Variants in CNOT9 observed in about 807,000 individuals in gnomAD.
CNOT9 encodes the protein RCD1 required for cell differentiation1 homolog.
A neutral mutation model predicts 37.4 loss-of-function variants in CNOT9; 8 were observed. The observed-to-expected ratio is 0.21, with a 90% CI of 0.13 to 0.39. The LOEUF is 0.39. Among genes scored for constraint, CNOT9 ranks in the 10% least tolerant of loss-of-function variants. The pLI, the probability that CNOT9 is intolerant of heterozygous loss-of-function variation, is 1.00. For synonymous variants in CNOT9, 120 were observed against 137.6 expected (o/e 0.87, Z 0.90); for missense variants, 154 against 365.3 (o/e 0.42, Z 4.71).
At position 218,592,017 on chromosome 2, in the gene CNOT9, C is replaced by G. The variant is rs2106099477; in HGVS notation, c.541-287C>G. Among the ~76,000 whole-genome samples, 1 of 152,032 alleles carries G rather than the reference C, an allele frequency of 6.6e-6. No individual in the cohort carries two copies. The highest frequency in any genetic ancestry group is 2.4e-5 in the African/African-American group (1 of 41,458). The stretch of plus-strand genomic sequence containing the variant: ...ATTTGATAATTACACGGAACCTACC[C>G]TTGTATGTAAAGTGAGAATAATAAT... On this transcript the variant is annotated intron_variant, in intron 5 of 7. Transcript: ENST00000273064. This position sits in a 1 kb window ranked among gnomAD's most constrained non-coding sequence, Gnocchi z 4.1.
At chr2:218,583,285 C>T (rs1391136463) in intron 3 of CNOT9, among the ~76,000 whole-genome samples, 199 bp downstream of exon 3, 1 of 108,534 alleles carries the variant, frequency 9.2e-6, no homozygotes, top group Non-Finnish European at 1.8e-5. Flanking sequence ...CTCTCTCTCT[C>T]TCCTGGTCTT....
chr2:218,582,889 CTTT>C (rs111430766), intron 2 of CNOT9, 79 bp from the exon 3 acceptor site: 462 of 673,986 alleles, frequency 6.9e-4, no homozygotes, highest in South Asian at 9.5e-4. Context: ...TTTTATTTGC[CTTT>C]TTTTTTTTTT....
chr2:218,573,318 T>TAAA (rs34596336), intron 1 of CNOT9, among the ~76,000 whole-genome samples: 1 of 132,846 alleles, frequency 7.5e-6, no homozygotes, highest in South Asian at 2.4e-4. Context: ...AACTCCATCT[T>TAAA]AAAAAAAAAA....
At position 218,596,733 on chromosome 2, in the gene CNOT9, G is replaced by C. The variant is rs1347764347; in HGVS notation, c.*2457G>C. On this transcript the variant is annotated 3_prime_UTR_variant, in exon 8 of 8. Transcript: ENST00000273064. ...TCCTGGCCATATTGGCCAGAACTTA[G>C]TGCCAGTGTAGGGAGAGACTTCCAT... The C allele has an allele frequency of 2.0e-5, 3 of 152,244 alleles. No homozygotes were observed. Among genetic ancestry groups the C allele is most frequent in the Non-Finnish European group, 4.4e-5 (3 of 68,050 alleles). 9.4% of individuals were successfully genotyped at this position (152,244 alleles called of 1,614,324 possible).
intron 5 of CNOT9, among the ~76,000 whole-genome samples, chr2:218,590,484 A>G (rs556328201): frequency 5.9e-5 from 9 of 152,356 alleles, no homozygotes; most frequent in Non-Finnish European, 1.2e-4. Flanking sequence ...ACCTGCTGCT[A>G]TAACAAATTA....
At chr2:218,569,269 A>G (rs1389164657) in intron 1 of CNOT9, among the ~76,000 whole-genome samples, 2 of 152,074 alleles carry the variant, frequency 1.3e-5, no homozygotes, top group Non-Finnish European at 2.9e-5. Flanking sequence ...GCTGACCAAC[A>G]GTTTCAGGGC....
intron 7 of CNOT9, among the ~76,000 whole-genome samples, chr2:218,593,241 A>G (rs1694839304): frequency 6.6e-6 from 1 of 152,226 alleles, no homozygotes; most frequent in Admixed American, 6.5e-5. Flanking sequence ...GCTGAAAGCA[A>G]CCTGCTCATA....
intron 7 of CNOT9, chr2:218,593,445 G>T: frequency 1.3e-6 from 1 of 788,348 alleles, no homozygotes; most frequent in Non-Finnish European, 1.8e-6. Flanking sequence ...AATTCTACTT[G>T]TACAAAGAAA....
At chr2:218,577,952 T>C (rs1694228697) in intron 1 of CNOT9, among the ~76,000 whole-genome samples, 1 of 152,232 alleles carries the variant, frequency 6.6e-6, no homozygotes, top group African/African-American at 2.4e-5. Context: ...ATCCTGTGTT[T>C]CTGCTGAGCG....
chr2:218,569,024 A>T (rs772425722), intron 1 of CNOT9, 46 bp downstream of exon 1: 1 of 1,604,924 alleles, frequency 6.2e-7, no homozygotes, highest in African/African-American at 1.3e-5. Flanking sequence ...CCTTTCTCAG[A>T]CCCACGTTTC....
At chr2:218,593,977 A>G in intron 7 of CNOT9, 131 bp from the exon 8 acceptor site, 1 of 1,048,012 alleles carries the variant, frequency 9.5e-7, no homozygotes, top group Non-Finnish European at 1.4e-6. Context: ...AGAGAATTTT[A>G]ATGGCTTCTT....
At chr2:218,583,251 C>G (rs1197733592) in intron 3 of CNOT9, among the ~76,000 whole-genome samples, 165 bp downstream of exon 3, 1,110 of 56,470 alleles carry the variant, frequency 0.02, 10 homozygotes, top group African/African-American at 0.074. Flanking sequence ...CTCTCTCTCT[C>G]TCTCTCTCTC....
chr2:218,587,796 G>T, intron 5 of CNOT9, 101 bp downstream of exon 5: 1 of 505,378 alleles, frequency 2.0e-6, no homozygotes. Flanking sequence ...AAATTTGTAT[G>T]AATATTTTCT....
chr2:218,587,416 C>T (rs1694632425), intron 4 of CNOT9, 170 bp from the exon 5 acceptor site: 1 of 1,249,826 alleles, frequency 8.0e-7, no homozygotes, highest in Non-Finnish European at 1.0e-6. Context: ...AGCTACTGCG[C>T]CGCCCTCTTC....
In CNOT9 at chr2:218,587,415, G is replaced by A. The variant is rs1227273410; in HGVS notation, c.431-171G>A. 9 of 1,244,726 alleles carry A rather than the reference G, an allele frequency of 7.2e-6. No homozygotes were observed. The African/African-American group carries it at 7.9e-5, about 11-fold the overall frequency. The allele number at this position is 1,244,726 out of a possible 1,614,324, so 77.1% of individuals were successfully genotyped here. A position where few individuals can be genotyped will look rare whatever the true frequency, so the allele number is the denominator to read the frequency against. On this transcript the variant is annotated intron_variant, in intron 4 of 7. Coordinates refer to ENST00000273064, the MANE Select transcript of CNOT9 (RefSeq NM_005444.3). ...TGGGATTACAGGTGTGAGCTACTGC[G>A]CCGCCCTCTTCCTTTTTTTTTTTAA...
At chr2:218,587,515 A>G in intron 4 of CNOT9, 71 bp from the exon 5 acceptor site, 1 of 1,428,862 alleles carries the variant, frequency 7.0e-7, no homozygotes, top group Non-Finnish European at 9.2e-7. Flanking sequence ...TCACTGGATA[A>G]ACAGTTCGAA....
rs915145521 is a variant in CNOT9, at chr2:218,588,855, G to A, written c.540+1160G>A. Among the ~76,000 whole-genome samples the A allele has an allele frequency of 4.0e-5, 6 of 151,702 alleles. 1 individual carries two copies. Among genetic ancestry groups the A allele is most frequent in the Admixed American group, 2.0e-4 (3 of 15,238 alleles). On this transcript the variant is annotated intron_variant, in intron 5 of 7. Transcript: ENST00000273064. ...CTCCCAAAGTGCTGGGATTACAGGC[G>A]TGAGCCACCTCACCCAGCCTCAATT...
intron 7 of CNOT9, chr2:218,593,441 A>T: frequency 1.4e-6 from 1 of 737,242 alleles, no homozygotes; most frequent in Non-Finnish European, 2.0e-6. Context: ...TTAAAATTCT[A>T]CTTGTACAAA....
intron 5 of CNOT9, among the ~76,000 whole-genome samples, chr2:218,590,267 C>A (rs1694729782): frequency 1.3e-5 from 2 of 152,104 alleles, no homozygotes; most frequent in Admixed American, 6.5e-5. Context: ...TGGAGTTTCG[C>A]CATGTAGCCC....
Sources: gnomAD v4.1 joint callset for allele counts (sites outside exome capture counted in the v4.1 genomes callset) on GRCh38, gnomAD v4.1.1 for gene constraint, Gnocchi (gnomAD v3.1) non-coding constraint, MANE v1.5 for transcripts, NCBI Gene and HGNC (gene_info 2026-07-23, HGNC 2026-07-21) for gene names.